The following PPP1R9A variants were observed in gnomAD, a reference collection of about 807,000 sequenced individuals.
PPP1R9A encodes neurabin-1.
A neutral mutation model predicts 141.9 loss-of-function variants in PPP1R9A; 59 were observed. The ratio of observed to expected loss-of-function variants is 0.42; its 90% confidence interval spans 0.34 to 0.52. The LOEUF (loss-of-function observed/expected upper bound fraction) is 0.52. PPP1R9A is among the 20% of genes least tolerant of loss of function. The pLI, the probability that PPP1R9A is intolerant of heterozygous loss-of-function variation, is 0.10. For missense variants in PPP1R9A, 1,444 were observed against 1,611.9 expected, an observed-to-expected ratio of 0.90 and a Z score of 1.78; for synonymous variants, 500 against 569.7, an observed-to-expected ratio of 0.88 and a Z score of 1.74.
chr7:95,218,706 C>A (rs1413848384), intron 7 of PPP1R9A, among the ~76,000 whole-genome samples: 1 of 151,578 alleles, frequency 6.6e-6, no homozygotes, highest in African/African-American at 2.4e-5. Flanking sequence ...TGAATTGATC[C>A]CTTTACCATT....
chr7:94,925,709 C>T (rs533875295), intron 2 of PPP1R9A, among the ~76,000 whole-genome samples: 1 of 152,270 alleles, frequency 6.6e-6, no homozygotes, highest in East Asian at 1.9e-4. Context: ...CCGCTTGGCA[C>T]ATTGTAGGTA....
At chr7:95,072,435 A>C (rs925795538) in intron 2 of PPP1R9A, among the ~76,000 whole-genome samples, 3 of 143,862 alleles carry the variant, frequency 2.1e-5, no homozygotes, top group African/African-American at 7.6e-5. Context: ...CTCAAACTGG[A>C]AGGTAGTTTT....
chr7:95,003,337 A>G (rs534199091), intron 2 of PPP1R9A, among the ~76,000 whole-genome samples: 17 of 152,158 alleles, frequency 1.1e-4, no homozygotes, highest in Non-Finnish European at 2.9e-5. Context: ...AAACAAGGAA[A>G]TAAAATTTCC....
chr7:95,139,837 A>C (rs1438568860), intron 4 of PPP1R9A, among the ~76,000 whole-genome samples: 3 of 151,424 alleles, frequency 2.0e-5, no homozygotes, highest in Non-Finnish European at 4.4e-5. Flanking sequence ...GAAAAAAAAA[A>C]CCCTGAAGCT....
chr7:94,929,085 A>G (rs571101511), intron 2 of PPP1R9A, among the ~76,000 whole-genome samples: 25 of 152,340 alleles, frequency 1.6e-4, no homozygotes, highest in African/African-American at 5.8e-4. Context: ...TAAAATATAC[A>G]TCAGTTTTTA....
intron 2 of PPP1R9A, 63 bp from the exon 3 acceptor site, chr7:95,111,196 T>C (rs1820490259): frequency 1.4e-6 from 2 of 1,463,222 alleles, no homozygotes; most frequent in South Asian, 2.6e-5. Context: ...CTTACATAGT[T>C]TTGGATACCT....
At chr7:95,237,050 T>C (rs890063425) in intron 8 of PPP1R9A, among the ~76,000 whole-genome samples, 1 of 151,688 alleles carries the variant, frequency 6.6e-6, no homozygotes, top group African/African-American at 2.4e-5. Context: ...TAGAATTTTT[T>C]AAGATATTTT....
intron 4 of PPP1R9A, among the ~76,000 whole-genome samples, chr7:95,139,827 G>GA (rs397978119): frequency 0.013 from 1,576 of 126,002 alleles, 27 homozygotes; most frequent in African/African-American, 0.043. Flanking sequence ...AAAAAAAAAA[G>GA]AAAAAAAAAA....
At chr7:95,242,000 T>C (rs1797534054) in intron 8 of PPP1R9A, among the ~76,000 whole-genome samples, 1 of 152,182 alleles carries the variant, frequency 6.6e-6, no homozygotes, top group Non-Finnish European at 1.5e-5. Flanking sequence ...TATGCTGCCA[T>C]TAGTGTTACC....
At chr7:95,023,707 A>AC (rs1806361183) in intron 2 of PPP1R9A, among the ~76,000 whole-genome samples, 2 of 151,928 alleles carry the variant, frequency 1.3e-5, no homozygotes, top group African/African-American at 4.8e-5. Flanking sequence ...ACCCATCACC[A>AC]CACCTGGCTA....
At chr7:95,270,938 T>C (rs754033510) in intron 14 of PPP1R9A, among the ~76,000 whole-genome samples, 3 of 152,130 alleles carry the variant, frequency 2.0e-5, no homozygotes, top group Non-Finnish European at 4.4e-5. Context: ...AGTACAATTA[T>C]ATCAACGCTC....
At chr7:95,203,343 G>C (rs1789991997) in intron 6 of PPP1R9A, among the ~76,000 whole-genome samples, 1 of 152,102 alleles carries the variant, frequency 6.6e-6, no homozygotes, top group Non-Finnish European at 1.5e-5. Flanking sequence ...AAAAGTGTTA[G>C]AGGGATAACA....
At chr7:94,984,501 A>G (rs1800547381) in intron 2 of PPP1R9A, among the ~76,000 whole-genome samples, 1 of 152,084 alleles carries the variant, frequency 6.6e-6, no homozygotes, top group Non-Finnish European at 1.5e-5. Context: ...TATTGCCTCA[A>G]TTTCAGAGCC....
At chr7:95,161,050 T>C (rs972080627) in intron 4 of PPP1R9A, among the ~76,000 whole-genome samples, 2 of 152,238 alleles carry the variant, frequency 1.3e-5, no homozygotes, top group Non-Finnish European at 2.9e-5. Flanking sequence ...ATGGGATTAC[T>C]GGATCACATG....
In PPP1R9A at chr7:95,274,014, G is replaced by A. The variant is rs753009422; in HGVS notation, c.3212+28G>A. 8 of 1,498,910 alleles carry A rather than the reference G, an allele frequency of 5.3e-6. No individual in the cohort carries two copies. The South Asian group carries it at 9.2e-5, about 17-fold the overall frequency. 92.9% of individuals were successfully genotyped at this position (1,498,910 alleles called of 1,614,324 possible). ...AAGCACTTCACGATGTAAAAAGAAA[G>A]CCCTCTGTAAAAGGAGGATTGAAAG... On this transcript the variant is annotated intron_variant, in intron 15 of 19. Transcript: ENST00000433360.
intron 3 of PPP1R9A, among the ~76,000 whole-genome samples, chr7:95,118,424 A>T (rs1344363869): frequency 6.6e-6 from 1 of 152,192 alleles, no homozygotes; most frequent in Non-Finnish European, 1.5e-5. Context: ...CACTAAAGAG[A>T]CACCTATGCT....
chr7:95,237,680 T>C (rs988812018), intron 8 of PPP1R9A, among the ~76,000 whole-genome samples: 3 of 152,172 alleles, frequency 2.0e-5, no homozygotes, highest in Non-Finnish European at 4.4e-5. Flanking sequence ...TTTTACATCT[T>C]TGTTGTTAAC....
At chr7:94,990,471 A>G (rs764017511) in intron 2 of PPP1R9A, among the ~76,000 whole-genome samples, 9 of 152,084 alleles carry the variant, frequency 5.9e-5, no homozygotes, top group Non-Finnish European at 1.2e-4. Context: ...ATAATTGTGT[A>G]TATTTATTGA....
intron 6 of PPP1R9A, among the ~76,000 whole-genome samples, chr7:95,200,135 G>A (rs1789219633): frequency 6.6e-6 from 1 of 151,778 alleles, no homozygotes; most frequent in South Asian, 2.1e-4. Context: ...ACAAGCAGAG[G>A]GGGCAAAGAA....
Sources: allele counts gnomAD v4.1 joint callset (sites outside exome capture counted in the v4.1 genomes callset), GRCh38; gene constraint gnomAD v4.1.1; transcripts MANE v1.5; gene names NCBI Gene and HGNC (gene_info 2026-07-23, HGNC 2026-07-21).